The following PRDM16 variants were observed in gnomAD, a reference collection of about 807,000 sequenced individuals.
The protein encoded by PRDM16 is histone-lysine N-methyltransferase PRDM16.
A neutral mutation model predicts 110.6 loss-of-function variants in PRDM16; 23 were observed. That is an observed-to-expected ratio of 0.21 (90% CI 0.15 to 0.29). The LOEUF is 0.29. Ranked by LOEUF, PRDM16 falls within the 10% of genes least tolerant of loss-of-function variation. The pLI is 1.00. For missense variants in PRDM16, 1,615 were observed against 1,794.3 expected, an observed-to-expected ratio of 0.90 and a Z score of 1.81; for synonymous variants, 799 against 781.8, an observed-to-expected ratio of 1.02 and a Z score of -0.37.
At chr1:3,144,028 G>A (rs1285381555) in intron 1 of PRDM16, among the ~76,000 whole-genome samples, 5 of 152,282 alleles carry the variant, frequency 3.3e-5, no homozygotes, top group East Asian at 1.9e-4. Flanking sequence ...CTGGCCTCTC[G>A]CCGCCCACTT....
Position 3,370,904 on chromosome 1 carries a change from A to C in PRDM16, c.439-14248A>C, listed in dbSNP as rs1005988086. Reference sequence around the variant, plus strand: ...CCACCCATCCACCATCCATTCATCCATCCATCCATCCATGCATCCACTGAA... The same window carrying C: ...CCACCCATCCACCATCCATTCATCCCTCCATCCATCCATGCATCCACTGAA... On this transcript the variant is annotated intron_variant, in intron 3 of 16. Transcript: ENST00000270722. This position sits in a 1 kb window ranked among gnomAD's most constrained non-coding sequence, Gnocchi z 4.8. 6.8e-6 allele frequency among the ~76,000 whole-genome samples: 1 copy of C among 147,692 alleles called. No individual in the cohort carries two copies.
chr1:3,425,324 C>T lies in PRDM16; in HGVS notation c.2940-257C>T, dbSNP rs986373425. On this transcript the variant is annotated intron_variant, in intron 12 of 16. Transcript: ENST00000270722. The surrounding 1 kb of genome is among the most constrained non-coding windows in gnomAD (Gnocchi z 6.9). ...CGATCTCCTGACCTCGTGATCCACC[C>T]GCCTTGGCCTCCCAAAGTGCTGTGA... 5.7e-5 allele frequency: 20 copies of T among 348,802 alleles called. No homozygotes were observed. The highest frequency in any genetic ancestry group is 1.0e-4 in the East Asian group (2 of 20,030). The allele number at this position is 348,802 out of a possible 1,614,324, so 21.6% of individuals were successfully genotyped here.
intron 1 of PRDM16, among the ~76,000 whole-genome samples, chr1:3,147,030 T>G (rs185999059): frequency 8.3e-6 from 1 of 120,864 alleles, no homozygotes; most frequent in African/African-American, 3.3e-5. Context: ...ACGTGTGTGC[T>G]CGGTGTGGGG....
intron 1 of PRDM16, among the ~76,000 whole-genome samples, chr1:3,115,937 G>A (rs954596796): frequency 6.6e-6 from 1 of 152,172 alleles, no homozygotes; most frequent in South Asian, 2.1e-4. Flanking sequence ...CAGCATCTGG[G>A]GGGCTGCTAT....
intron 12 of PRDM16, among the ~76,000 whole-genome samples, chr1:3,421,659 C>A (rs979737264): frequency 5.3e-5 from 8 of 152,208 alleles, no homozygotes; most frequent in African/African-American, 1.9e-4. Context: ...GTTCGTGGCT[C>A]TCCCCGGCCC....
chr1:3,283,987 G>C (rs769546381), intron 3 of PRDM16, among the ~76,000 whole-genome samples: 1 of 152,214 alleles, frequency 6.6e-6, no homozygotes. Context: ...TTGGAAGTGC[G>C]CTGGGGGCCT....
At chr1:3,094,507 A>G (rs2100604351) in intron 1 of PRDM16, among the ~76,000 whole-genome samples, 1 of 152,334 alleles carries the variant, frequency 6.6e-6, no homozygotes, top group East Asian at 1.9e-4. Context: ...GTTTGGGCAC[A>G]GGAGTGCAGA....
intron 1 of PRDM16, among the ~76,000 whole-genome samples, chr1:3,171,072 G>C (rs1467951222): frequency 1.3e-5 from 2 of 152,218 alleles, no homozygotes; most frequent in Non-Finnish European, 2.9e-5. Context: ...GCACCCCTCA[G>C]CGCCCCACGG....
intron 3 of PRDM16, among the ~76,000 whole-genome samples, chr1:3,384,650 G>A (rs1417852059): frequency 6.6e-6 from 1 of 152,246 alleles, no homozygotes; most frequent in Non-Finnish European, 1.5e-5. Flanking sequence ...CAGCTTTAAG[G>A]AAACCAGATG....
chr1:3,347,558 G>C (rs755164827), intron 3 of PRDM16, among the ~76,000 whole-genome samples: 1 of 152,234 alleles, frequency 6.6e-6, no homozygotes, highest in Admixed American at 6.5e-5. Context: ...CAGTCAGGGG[G>C]TGGGGGTGGG....
rs922041173 is a variant in PRDM16 at position 3,126,939 on chromosome 1, G to A, written c.37+57643G>A. On this transcript the variant is annotated intron_variant, in intron 1 of 16. Coordinates refer to ENST00000270722, the MANE Select transcript of PRDM16 (RefSeq NM_022114.4). Reference sequence around the variant, plus strand: ...GGATCGAGAGCTTACTCTGGACTCAGCTGGGAGGCCCCTCGAGCCTGGGAG... The same window carrying A: ...GGATCGAGAGCTTACTCTGGACTCAACTGGGAGGCCCCTCGAGCCTGGGAG... 5.3e-5 allele frequency among the ~76,000 whole-genome samples: 8 copies of A among 152,236 alleles called. 1 individual carries two copies. Among genetic ancestry groups the A allele is most frequent in the Non-Finnish European group, 1.2e-4 (8 of 68,040 alleles).
At chr1:3,104,800 C>T (rs1642613947) in intron 1 of PRDM16, among the ~76,000 whole-genome samples, 1 of 152,140 alleles carries the variant, frequency 6.6e-6, no homozygotes, top group Non-Finnish European at 1.5e-5. Flanking sequence ...CAGACATGGA[C>T]CCTGAAGGGC....
At chr1:3,144,865 C>T (rs1355822829) in intron 1 of PRDM16, among the ~76,000 whole-genome samples, 2 of 152,192 alleles carry the variant, frequency 1.3e-5, no homozygotes, top group Admixed American at 6.5e-5. Flanking sequence ...CTGCTCTTGG[C>T]CACCAGGTAA....
At chr1:3,233,939 T>C (rs1373259220) in intron 2 of PRDM16, among the ~76,000 whole-genome samples, 1 of 151,656 alleles carries the variant, frequency 6.6e-6, no homozygotes, top group African/African-American at 2.4e-5. Context: ...TGGGAGACTG[T>C]TGAGATGGCC....
chr1:3,414,184 G>A (rs2100668477), intron 9 of PRDM16, among the ~76,000 whole-genome samples: 1 of 152,312 alleles, frequency 6.6e-6, no homozygotes, highest in East Asian at 1.9e-4. Context: ...GGGGTGCACG[G>A]GGCCTTCAGA....
At chr1:3,127,934 G>A (rs1161542021) in intron 1 of PRDM16, 1 of 154,176 alleles carries the variant, frequency 6.5e-6, no homozygotes, top group Non-Finnish European at 1.5e-5. Context: ...GGCCATGGAG[G>A]AGGGGCTCCC....
At chr1:3,111,299 G>C (rs149956057) in intron 1 of PRDM16, among the ~76,000 whole-genome samples, 2 of 151,982 alleles carry the variant, frequency 1.3e-5, no homozygotes, top group South Asian at 2.1e-4. Flanking sequence ...GGGCAGCACC[G>C]GCCTCTGTGT....
At chr1:3,146,838 C>G (rs1453513030) in intron 1 of PRDM16, among the ~76,000 whole-genome samples, 1 of 92,292 alleles carries the variant, frequency 1.1e-5, no homozygotes, top group Non-Finnish European at 2.1e-5. Flanking sequence ...TGTGTGTGCA[C>G]ACGTGTGTGC....
Position 3,277,773 on chromosome 1 carries a change from A to ATATG in PRDM16, c.438+33636_438+33637insTATG, listed in dbSNP as rs1640622586. On this transcript the variant is annotated intron_variant, in intron 3 of 16. Transcript: ENST00000270722. ...CACACACATGCACACACGCGCACAC[A>ATATG]CACGCACACATATGCACACACAAAC... Among the ~76,000 whole-genome samples the ATATG allele has an allele frequency of 1.5e-4, 22 of 145,438 alleles. 1 individual carries two copies. The South Asian group carries it at 4.5e-3, about 29-fold the overall frequency.
Sources: allele counts gnomAD v4.1 joint callset (sites outside exome capture counted in the v4.1 genomes callset), GRCh38; gene constraint gnomAD v4.1.1; non-coding constraint Gnocchi (gnomAD v3.1); transcripts MANE v1.5; gene names NCBI Gene and HGNC (gene_info 2026-07-23, HGNC 2026-07-21).